SDHAF4: variants seen among roughly 807,000 people sequenced by gnomAD.
SDHAF4 encodes the protein succinate dehydrogenase assembly factor 4, mitochondrial.
A neutral mutation model predicts 14.3 loss-of-function variants in SDHAF4; 14 were observed. That is an observed-to-expected ratio of 0.98 (90% CI 0.65 to 1.53). The LOEUF is 1.53. Ranked by LOEUF, SDHAF4 falls within the 40% of genes most tolerant of loss-of-function variation. The probability of loss-of-function intolerance (pLI) is 0.00; values close to 1 mark genes in which losing one functional copy is unlikely to be tolerated. For missense variants in SDHAF4, 141 were observed against 129.3 expected, an observed-to-expected ratio of 1.09 and a Z score of -0.44; for synonymous variants, 63 against 47.3, an observed-to-expected ratio of 1.33 and a Z score of -1.36.
intron 2 of SDHAF4, among the ~76,000 whole-genome samples, chr6:70,583,370 T>A (rs1038418434): frequency 8.5e-5 from 13 of 152,124 alleles, no homozygotes; most frequent in Non-Finnish European, 1.9e-4. Flanking sequence ...GCCTTGGCCT[T>A]CCAAAGTGCT....
At chr6:70,571,812 A>G (rs969186654) in intron 1 of SDHAF4, among the ~76,000 whole-genome samples, 12 of 152,242 alleles carry the variant, frequency 7.9e-5, no homozygotes, top group African/African-American at 2.2e-4. Flanking sequence ...TTTAACTTCT[A>G]TAATGGTTAT....
downstream of SDHAF4, among the ~76,000 whole-genome samples, chr6:70,592,151 C>A (rs1765263271): frequency 2.0e-5 from 3 of 152,206 alleles, no homozygotes; most frequent in Admixed American, 1.3e-4. Context: ...AAATAAACGT[C>A]TTTTCTTTCA....
chr6:70,587,289 A>T (rs1034432826), intron 2 of SDHAF4, among the ~76,000 whole-genome samples: 1 of 152,104 alleles, frequency 6.6e-6, no homozygotes, highest in Non-Finnish European at 1.5e-5. Context: ...CAGGAGTTTG[A>T]GACCAGCCTG....
At chr6:70,579,654 G>A in intron 2 of SDHAF4, 88 bp downstream of exon 2, 1 of 1,140,560 alleles carries the variant, frequency 8.8e-7, no homozygotes, top group Non-Finnish European at 1.2e-6. Flanking sequence ...AAAGAAATTT[G>A]TTATTGCTTA....
intron 2 of SDHAF4, among the ~76,000 whole-genome samples, chr6:70,583,759 A>G (rs1026668462): frequency 6.6e-6 from 1 of 152,202 alleles, no homozygotes; most frequent in Non-Finnish European, 1.5e-5. Context: ...GTGTTGGGCC[A>G]CATTCAAAGC....
intron 1 of SDHAF4, among the ~76,000 whole-genome samples, chr6:70,568,472 T>A (rs1802133015): frequency 6.6e-6 from 1 of 152,214 alleles, no homozygotes; most frequent in Non-Finnish European, 1.5e-5. Flanking sequence ...TATAGAAATG[T>A]TTTCATATTG....
chr6:70,588,818 C>A lies in SDHAF4; in HGVS notation c.*94C>A. 1.9e-6 allele frequency: 1 copy of A among 523,512 alleles called. No homozygotes were observed. Among genetic ancestry groups the A allele is most frequent in the Non-Finnish European group, 3.3e-6 (1 of 303,096 alleles). 32.4% of individuals were successfully genotyped at this position (523,512 alleles called of 1,614,324 possible). A position where few individuals can be genotyped will look rare whatever the true frequency, so the allele number is the denominator to read the frequency against. On this transcript the variant is annotated 3_prime_UTR_variant, in exon 3 of 3. Coordinates refer to ENST00000370474, the MANE Select transcript of SDHAF4 (RefSeq NM_145267.3). ...TTTTCTTTCTTTATATCCTTTATGTCGTGTAGTTTGTATAATGTGTTTAAA... is the reference window on the plus strand; with the variant it reads ...TTTTCTTTCTTTATATCCTTTATGTAGTGTAGTTTGTATAATGTGTTTAAA...
chr6:70,596,735 T>A, the SDHAF4 span: 1 of 152,196 alleles, frequency 6.6e-6, no homozygotes, highest in African/African-American at 2.4e-5. Context: ...TTTGGTTAGA[T>A]TGAATTATGT....
intron 2 of SDHAF4, among the ~76,000 whole-genome samples, chr6:70,584,207 G>T (rs1256628066): frequency 6.6e-6 from 1 of 152,052 alleles, no homozygotes; most frequent in Non-Finnish European, 1.5e-5. Context: ...AGTAGAGATG[G>T]GGTTTCACCA....
intron 1 of SDHAF4, among the ~76,000 whole-genome samples, chr6:70,571,918 A>T (rs1436439300): frequency 6.6e-6 from 1 of 151,816 alleles, no homozygotes; most frequent in Non-Finnish European, 1.5e-5. Flanking sequence ...TATAGGCATA[A>T]AGTTTCTGGT....
At chr6:70,581,018 G>A (rs775400820) in intron 2 of SDHAF4, among the ~76,000 whole-genome samples, 4 of 151,978 alleles carry the variant, frequency 2.6e-5, no homozygotes, top group Non-Finnish European at 5.9e-5. Flanking sequence ...TGCAACCTCC[G>A]CCTCCCAGGT....
chr6:70,588,181 G>A (rs1018177473), intron 2 of SDHAF4, among the ~76,000 whole-genome samples: 5 of 152,148 alleles, frequency 3.3e-5, no homozygotes, highest in Non-Finnish European at 5.9e-5. Flanking sequence ...AAGACTGCAT[G>A]GTAACCAGGT....
intron 2 of SDHAF4, among the ~76,000 whole-genome samples, chr6:70,582,960 C>A (rs1425265906): frequency 6.6e-6 from 1 of 151,962 alleles, no homozygotes; most frequent in Non-Finnish European, 1.5e-5. Flanking sequence ...AGCTAGGCAC[C>A]CTGCTTGACA....
Position 70,586,025 on chromosome 6 carries a change from C to T in SDHAF4, c.218-2590C>T, listed in dbSNP as rs116636556. On this transcript the variant is annotated intron_variant, in intron 2 of 2. Transcript: ENST00000370474. ...GGCAAGGAGGATGTTTTTCCTTGGC[C>T]CCTACACCTTCTCCCAGAGTCCAAG... is the stretch of plus-strand genomic sequence containing the variant. 3.7e-3 allele frequency among the ~76,000 whole-genome samples: 560 copies of T among 152,154 alleles called. 6 individuals are homozygous for T. The highest frequency in any genetic ancestry group is 0.011 in the African/African-American group (450 of 41,494).
intron 1 of SDHAF4, among the ~76,000 whole-genome samples, chr6:70,569,256 A>G (rs111396725): frequency 0.18 from 26,320 of 148,256 alleles, 2,375 homozygotes; most frequent in Middle Eastern, 0.23. Flanking sequence ...GAGCCACCGC[A>G]CCCGGCCTCT....
At chr6:70,595,765 G>A in the SDHAF4 span, among the ~76,000 whole-genome samples, 1 of 151,176 alleles carries the variant, frequency 6.6e-6, no homozygotes, top group Non-Finnish European at 1.5e-5. Flanking sequence ...GAACCCGGGA[G>A]GCGGAGGTTG....
chr6:70,579,435 C>G lies in SDHAF4; in HGVS notation c.86C>G (p.Ser29Cys), dbSNP rs762797853. 1 of 1,605,758 alleles carries G rather than the reference C, an allele frequency of 6.2e-7. No homozygotes were observed. Among genetic ancestry groups the G allele is most frequent in the Non-Finnish European group, 8.5e-7 (1 of 1,175,766 alleles). Residue 29 changes from serine to cysteine, a missense_variant, in exon 2 of 3, where the codon TCT (serine) becomes TGT (cysteine). Physicochemically the swap from Ser to Cys is moderately radical, Grantham distance 112 (BLOSUM62 -1). Transcript: ENST00000370474. ...CTAGGATCACCCCTTCTGTGTCATTCTCTGAGGAAAACAAGTTCTTCTCAA... is the reference window on the plus strand; with the variant it reads ...CTAGGATCACCCCTTCTGTGTCATTGTCTGAGGAAAACAAGTTCTTCTCAA... ...RAARSPLLCHSLRKTSSSQGG... is the reference protein window; with the variant it reads ...RAARSPLLCHCLRKTSSSQGG...
intron 1 of SDHAF4, among the ~76,000 whole-genome samples, chr6:70,570,510 A>G (rs1802165744): frequency 6.6e-6 from 1 of 151,704 alleles, no homozygotes; most frequent in South Asian, 2.1e-4. Flanking sequence ...TTTTTTAGAG[A>G]TGGGGTTTTG....
downstream of SDHAF4, among the ~76,000 whole-genome samples, chr6:70,589,939 C>T (rs1394377517): frequency 6.6e-6 from 1 of 152,142 alleles, no homozygotes; most frequent in East Asian, 1.9e-4. Context: ...AGGGAAAGTA[C>T]TGAGATTTAT....
Sources: allele counts gnomAD v4.1 joint callset (sites outside exome capture counted in the v4.1 genomes callset), GRCh38; gene constraint gnomAD v4.1.1; transcripts MANE v1.5; gene names NCBI Gene and HGNC (gene_info 2026-07-23, HGNC 2026-07-21).